Variants in SHANK2 observed in about 807,000 individuals in gnomAD.
The protein encoded by SHANK2 is SH3 and multiple ankyrin repeat domains 2, also known as SH3 and multiple ankyrin repeat domains protein 2.
In SHANK2, 43 loss-of-function variants were observed where a neutral mutation model predicts 133.7. The observed-to-expected ratio is 0.32, with a 90% CI of 0.25 to 0.41. The LOEUF is 0.41. Ranked by LOEUF, SHANK2 falls within the 10% of genes least tolerant of loss-of-function variation. SHANK2 has a pLI of 1.00. For missense variants in SHANK2, 1,994 were observed against 2,235.8 expected (o/e 0.89, Z 2.18); for synonymous variants, 1,017 against 952.8 (o/e 1.07, Z -1.24).
intron 2 of SHANK2, among the ~76,000 whole-genome samples, chr11:71,157,694 A>G (rs1952931323): frequency 1.3e-5 from 2 of 152,200 alleles, no homozygotes; most frequent in Non-Finnish European, 2.9e-5. Context: ...TTTCCATTTC[A>G]GTTTTCTTAG....
At chr11:71,240,040 C>T (rs1222638609) in intron 1 of SHANK2, among the ~76,000 whole-genome samples, 1 of 152,176 alleles carries the variant, frequency 6.6e-6, no homozygotes, top group Non-Finnish European at 1.5e-5. Context: ...TAATATGATA[C>T]TAATTCTAGA....
intron 2 of SHANK2, among the ~76,000 whole-genome samples, chr11:71,207,868 T>A (rs1954159685): frequency 6.6e-6 from 1 of 151,818 alleles, no homozygotes; most frequent in Non-Finnish European, 1.5e-5. Context: ...CACTCTTGCC[T>A]CTCCAGGCTG....
chr11:70,623,924 G>T (rs2060868141), intron 17 of SHANK2, among the ~76,000 whole-genome samples: 1 of 152,234 alleles, frequency 6.6e-6, no homozygotes, highest in Non-Finnish European at 1.5e-5. Context: ...AGGGCAGGGT[G>T]TGGACAGCAA....
intron 11 of SHANK2, among the ~76,000 whole-genome samples, chr11:70,827,259 ACT>A (rs1491338129): frequency 1.4e-5 from 1 of 71,256 alleles, no homozygotes; most frequent in Non-Finnish European, 2.5e-5. Flanking sequence ...ACCCCCTCCT[ACT>A]TTTTTTTTTT....
intron 15 of SHANK2, among the ~76,000 whole-genome samples, chr11:70,688,208 C>A (rs1335546466): frequency 6.6e-6 from 1 of 152,326 alleles, no homozygotes; most frequent in Non-Finnish European, 1.5e-5. Flanking sequence ...TGGATCCCCC[C>A]TGCAGGGCAT....
chr11:71,131,242 G>T (rs1405117798), intron 3 of SHANK2, among the ~76,000 whole-genome samples: 2 of 152,218 alleles, frequency 1.3e-5, no homozygotes. Context: ...TTGGGCTGGT[G>T]CTCGTGGTGG....
chr11:70,668,921 C>G (rs141164595), intron 15 of SHANK2: 1 of 152,294 alleles, frequency 6.6e-6, no homozygotes, highest in Non-Finnish European at 1.5e-5. Flanking sequence ...CACAGCTTGG[C>G]GGTGACGCAC....
chr11:70,700,271 T>C (rs1369290535), intron 14 of SHANK2, among the ~76,000 whole-genome samples: 1 of 152,154 alleles, frequency 6.6e-6, no homozygotes. Flanking sequence ...ACTTACTCTG[T>C]ACCAGGCCCT....
At position 70,469,410 on chromosome 11, in the gene SHANK2, T is replaced by G. The variant is rs2058570788; in HGVS notation, c.*3459A>C. 6.6e-6 allele frequency: 1 copy of G among 152,208 alleles called. No homozygotes were observed. The allele number at this position is 152,208 out of a possible 1,614,324, so 9.4% of individuals were successfully genotyped here. Reference sequence around the variant, plus strand: ...TTTAATTCAGACAGTGTTCACTGTTTGTTTGCAATCAGAACCACAACCTTA... The same window carrying G: ...TTTAATTCAGACAGTGTTCACTGTTGGTTTGCAATCAGAACCACAACCTTA... On this transcript the variant is annotated 3_prime_UTR_variant, in exon 26 of 26. Coordinates refer to ENST00000601538, the MANE Select transcript of SHANK2 (RefSeq NM_012309.5).
chr11:70,946,225 A>G (rs368993804), intron 10 of SHANK2, among the ~76,000 whole-genome samples: 148 of 62,206 alleles, frequency 2.4e-3, no homozygotes, highest in Middle Eastern at 0.011. Flanking sequence ...CTCTTCCCCA[A>G]GCTCAACCTC....
At chr11:70,798,386 C>T (rs566590709) in intron 14 of SHANK2, 57 bp downstream of exon 14, 176 of 712,966 alleles carry the variant, frequency 2.5e-4, no homozygotes, top group Admixed American at 3.8e-4. Flanking sequence ...ACACCGACCA[C>T]GGGCCTGAGA....
chr11:71,061,591 C>A (rs1411290296), intron 9 of SHANK2, among the ~76,000 whole-genome samples: 1 of 152,150 alleles, frequency 6.6e-6, no homozygotes, highest in Non-Finnish European at 1.5e-5. Context: ...AGGTGGGGGT[C>A]TCCTTCCACC....
At chr11:70,814,928 C>G (rs1424764900) in intron 12 of SHANK2, among the ~76,000 whole-genome samples, 1 of 150,518 alleles carries the variant, frequency 6.6e-6, no homozygotes, top group African/African-American at 2.4e-5. Flanking sequence ...GAAGGCCAAC[C>G]AGCCCCTTGG....
chr11:70,500,449 A>C lies in SHANK2; in HGVS notation c.2308+121T>G. ...CGGCAGGGCTCCTCGGGCAGGACCC[A>C]GCAGGAGAAGCCAACAAGGCTTTGC... On this transcript the variant is annotated intron_variant, in intron 21 of 25. Transcript: ENST00000601538. This position sits in a 1 kb window ranked among gnomAD's most constrained non-coding sequence, Gnocchi z 4.5. 3.6e-6 allele frequency: 5 copies of C among 1,383,558 alleles called. No individual in the cohort carries two copies. Among genetic ancestry groups the C allele is most frequent in the Non-Finnish European group, 4.0e-6 (4 of 995,802 alleles). The allele number at this position is 1,383,558 out of a possible 1,614,324, so 85.7% of individuals were successfully genotyped here.
chr11:71,231,598 T>C (rs1235401007), intron 1 of SHANK2, among the ~76,000 whole-genome samples: 2 of 152,208 alleles, frequency 1.3e-5, no homozygotes, highest in Non-Finnish European at 2.9e-5. Context: ...TTCAGACTTA[T>C]GTTTACGGGC....
At chr11:70,798,943 AAGTGG>A (rs1555049856) in intron 13 of SHANK2, among the ~76,000 whole-genome samples, 1 of 152,084 alleles carries the variant, frequency 6.6e-6, no homozygotes, top group Non-Finnish European at 1.5e-5. Context: ...TCAGATATAA[AAGTGG>A]AGTCGGGGGG....
intron 1 of SHANK2, among the ~76,000 whole-genome samples, chr11:71,237,701 C>T (rs1057154898): frequency 5.2e-4 from 79 of 152,310 alleles, no homozygotes; most frequent in African/African-American, 1.5e-3. Flanking sequence ...CCCAAGCCCA[C>T]CACAATGCAG....
chr11:70,588,104 T>C (rs2060277613), intron 17 of SHANK2, among the ~76,000 whole-genome samples: 1 of 152,224 alleles, frequency 6.6e-6, no homozygotes, highest in African/African-American at 2.4e-5. Flanking sequence ...GTGTTCTGAC[T>C]GATCTATCAA....
intron 3 of SHANK2, among the ~76,000 whole-genome samples, chr11:71,135,013 C>T (rs181701763): frequency 3.3e-5 from 5 of 152,234 alleles, no homozygotes; most frequent in Non-Finnish European, 7.4e-5. Flanking sequence ...TATACCTGGA[C>T]GCCCACCGCC....
Sources: gnomAD v4.1 joint callset for allele counts (sites outside exome capture counted in the v4.1 genomes callset) on GRCh38, gnomAD v4.1.1 for gene constraint, Gnocchi (gnomAD v3.1) non-coding constraint, MANE v1.5 for transcripts, NCBI Gene and HGNC (gene_info 2026-07-23, HGNC 2026-07-21) for gene names.